Variants in MTOR observed in about 807,000 individuals in gnomAD.
MTOR encodes mechanistic target of rapamycin kinase, also known as serine/threonine-protein kinase mTOR.
MTOR carries 70 observed loss-of-function variants against 319.8 expected under a neutral mutation model. That is an observed-to-expected ratio of 0.22 (90% CI 0.18 to 0.27). MTOR has a LOEUF of 0.27. MTOR is among the 10% of genes least tolerant of loss of function. The pLI is 1.00. For missense variants in MTOR, 1,890 were observed against 3,274.4 expected, an observed-to-expected ratio of 0.58 and a Z score of 10.32; for synonymous variants, 1,183 against 1,211.4, an observed-to-expected ratio of 0.98 and a Z score of 0.49.
In MTOR at chr1:11,129,511, T is replaced by G. The variant is rs1643010232; in HGVS notation, c.5714+227A>C. Among the ~76,000 whole-genome samples, 1 of 152,212 alleles carries G rather than the reference T, an allele frequency of 6.6e-6. No homozygotes were observed. Among genetic ancestry groups the G allele is most frequent in the African/African-American group, 2.4e-5 (1 of 41,460 alleles). ...TAATCCCTCCATAATAAACCACACA[T>G]GGAGAGTTCTCACTCCACTTCTCCT... is the stretch of plus-strand genomic sequence containing the variant. On this transcript the variant is annotated intron_variant, in intron 40 of 57. Transcript: ENST00000361445. This position sits in a 1 kb window ranked among gnomAD's most constrained non-coding sequence, Gnocchi z 4.7.
chr1:11,192,464 A>G (rs1645579245), intron 28 of MTOR: 1 of 1,160,558 alleles, frequency 8.6e-7, no homozygotes, highest in South Asian at 1.3e-5. Context: ...GTTTAAAGAA[A>G]GGAAAATTCG....
chr1:11,122,496 A>G (rs1199412529), intron 47 of MTOR, among the ~76,000 whole-genome samples: 1 of 125,648 alleles, frequency 8.0e-6, no homozygotes, highest in African/African-American at 3.1e-5. Flanking sequence ...CACTGCACCC[A>G]GCCCTATTTT....
In MTOR at chr1:11,240,552, G is replaced by C. The variant is rs1314744053; in HGVS notation, c.1542-5C>G. 6 of 1,613,224 alleles carry C rather than the reference G, an allele frequency of 3.7e-6. No individual in the cohort carries two copies. Among genetic ancestry groups the C allele is most frequent in the South Asian group, 1.1e-5 (1 of 90,964 alleles). ...AGCACTGCAGTGAGGGCAGGGCTGA[G>C]GGGAAGGAAACAAGTCACATAAGGG... On this transcript the variant is annotated splice_polypyrimidine_tract_variant and splice_region_variant and intron_variant, in intron 10 of 57. Transcript: ENST00000361445.
intron 28 of MTOR, chr1:11,194,661 T>C (rs1645709246): frequency 6.2e-7 from 1 of 1,612,838 alleles, no homozygotes; most frequent in Non-Finnish European, 8.5e-7. Context: ...TCCGCAAAGG[T>C]GAGATTTGGG....
At chr1:11,249,895 G>T (rs946717745) in intron 6 of MTOR, among the ~76,000 whole-genome samples, 1 of 151,018 alleles carries the variant, frequency 6.6e-6, no homozygotes, top group Admixed American at 6.6e-5. Context: ...CCACAAAACC[G>T]CCACTGTCAT....
chr1:11,207,237 G>A (rs973211598), intron 25 of MTOR, among the ~76,000 whole-genome samples: 7 of 152,020 alleles, frequency 4.6e-5, no homozygotes, highest in Non-Finnish European at 1.0e-4. Flanking sequence ...GAGTAGCTGG[G>A]ACTACAGGCA....
At chr1:11,189,483 G>T in intron 28 of MTOR, 1 of 1,405,010 alleles carries the variant, frequency 7.1e-7, no homozygotes, top group Non-Finnish European at 9.6e-7. Context: ...GAGTGAAAGC[G>T]TAAGGTTCAG....
chr1:11,154,330 A>G (rs1383948490), intron 30 of MTOR, among the ~76,000 whole-genome samples: 1 of 151,914 alleles, frequency 6.6e-6, no homozygotes, highest in Non-Finnish European at 1.5e-5. Context: ...GGGCTCAAGC[A>G]ATCCGCCTGC....
chr1:11,213,758 G>A (rs927988020), intron 20 of MTOR, among the ~76,000 whole-genome samples, 192 bp from the exon 21 acceptor site: 3 of 152,120 alleles, frequency 2.0e-5, no homozygotes, highest in African/African-American at 7.2e-5. Flanking sequence ...AAACTCAATT[G>A]CATTTCCCCA....
chr1:11,197,641 A>C (rs963853380), intron 28 of MTOR, among the ~76,000 whole-genome samples: 4 of 152,204 alleles, frequency 2.6e-5, no homozygotes, highest in African/African-American at 7.2e-5. Context: ...TCCCAGGTTC[A>C]AGCAATTCTC....
intron 13 of MTOR, among the ~76,000 whole-genome samples, chr1:11,236,509 G>GTTT (rs1182732565): frequency 8.1e-6 from 1 of 124,024 alleles, no homozygotes; most frequent in Non-Finnish European, 1.7e-5. Context: ...GTGATTTCAC[G>GTTT]TTTTTTTTTT....
Position 11,107,439 on chromosome 1 carries a change from T to C in MTOR, c.*46A>G. ...AGTTTAGTGGAAGCATTTACTAAAG[T>C]ACAAAAGCCTCAGAAAAAACGTGAT... On this transcript the variant is annotated 3_prime_UTR_variant, in exon 58 of 58. Transcript: ENST00000361445. 1 of 1,598,998 alleles carries C rather than the reference T, an allele frequency of 6.3e-7. No individual in the cohort carries two copies. The highest frequency in any genetic ancestry group is 8.5e-7 in the Non-Finnish European group (1 of 1,176,428).
At position 11,230,876 on chromosome 1, in the gene MTOR, C is replaced by T. The variant is rs1332751619; in HGVS notation, c.2779+49G>A. The T allele has an allele frequency of 2.5e-6, 4 of 1,611,322 alleles. No individual in the cohort carries two copies. The Admixed American group carries it at 6.7e-5, about 27-fold the overall frequency. ...ACTTTCTAAACACAACCAGCAAGGGCTCTGTGAGTGAGAACTTGGCAAGTC... is the reference window on the plus strand; with the variant it reads ...ACTTTCTAAACACAACCAGCAAGGGTTCTGTGAGTGAGAACTTGGCAAGTC... On this transcript the variant is annotated intron_variant, in intron 18 of 57. Coordinates refer to ENST00000361445, the MANE Select transcript of MTOR (RefSeq NM_004958.4).
intron 29 of MTOR, 72 bp from the exon 30 acceptor site, chr1:11,157,363 C>T (rs2100569604): frequency 6.5e-7 from 1 of 1,537,074 alleles, no homozygotes; most frequent in East Asian, 2.3e-5. Context: ...TCCACATACT[C>T]TCTTTCCTAA....
intron 6 of MTOR, among the ~76,000 whole-genome samples, chr1:11,250,601 C>G (rs1649546900): frequency 8.9e-6 from 1 of 111,834 alleles, no homozygotes; most frequent in Non-Finnish European, 2.1e-5. Flanking sequence ...CATCTCTTCT[C>G]CAACTGTACT....
chr1:11,240,991 CA>C (rs1032111663), intron 10 of MTOR, among the ~76,000 whole-genome samples: 1 of 151,440 alleles, frequency 6.6e-6, no homozygotes, highest in African/African-American at 2.4e-5. Context: ...CAACCCTAGG[CA>C]ATAAGAATTA....
intron 36 of MTOR, 103 bp from the exon 37 acceptor site, chr1:11,134,569 A>G: frequency 1.1e-6 from 1 of 890,464 alleles, no homozygotes; most frequent in Non-Finnish European, 1.8e-6. Context: ...CCCTCTCCAA[A>G]CAGAATACCC....
chr1:11,202,915 C>A (rs913170975), intron 26 of MTOR, among the ~76,000 whole-genome samples: 2 of 151,412 alleles, frequency 1.3e-5, no homozygotes, highest in African/African-American at 4.9e-5. Flanking sequence ...AAAACAAAAA[C>A]AAAAACAAAA....
chr1:11,223,078 T>C (rs890513273), intron 19 of MTOR, among the ~76,000 whole-genome samples: 2 of 151,858 alleles, frequency 1.3e-5, no homozygotes, highest in Non-Finnish European at 2.9e-5. Flanking sequence ...CTAACTAGTT[T>C]ATAGGAAATT....
Sources: gnomAD v4.1 joint callset for allele counts (sites outside exome capture counted in the v4.1 genomes callset) on GRCh38, gnomAD v4.1.1 for gene constraint, Gnocchi (gnomAD v3.1) non-coding constraint, MANE v1.5 for transcripts, NCBI Gene and HGNC (gene_info 2026-07-23, HGNC 2026-07-21) for gene names.